IQCK: variants seen among roughly 807,000 people sequenced by gnomAD.
IQCK encodes IQ domain-containing protein K.
A neutral mutation model predicts 28.1 loss-of-function variants in IQCK; 29 were observed. That is an observed-to-expected ratio of 1.03 (90% CI 0.77 to 1.41). The LOEUF is 1.41. IQCK is among the 40% of genes most tolerant of loss of function. The pLI is 0.00. For synonymous variants in IQCK, 113 were observed against 115.1 expected (o/e 0.98, Z 0.12); for missense variants, 359 against 314.7 (o/e 1.14, Z -1.07).
At chr16:19,734,418 C>T (rs1266602828) in intron 3 of IQCK, among the ~76,000 whole-genome samples, 1 of 148,942 alleles carries the variant, frequency 6.7e-6, no homozygotes, top group East Asian at 2.0e-4. Flanking sequence ...TAAGATCGTG[C>T]CACTGCACTC....
At chr16:19,735,920 G>T (rs77489519) in intron 4 of IQCK, 2 of 337,892 alleles carry the variant, frequency 5.9e-6, no homozygotes, top group Non-Finnish European at 1.2e-5. Context: ...TTTTAAATTA[G>T]CTAGGTGTGG....
intron 7 of IQCK, among the ~76,000 whole-genome samples, chr16:19,803,654 TTTA>T (rs2055790220): frequency 1.3e-5 from 2 of 152,174 alleles, no homozygotes; most frequent in Admixed American, 1.3e-4. Flanking sequence ...ATTAAAATGT[TTTA>T]TTTTTTATTT....
chr16:19,759,732 C>CT (rs1206822896), intron 4 of IQCK, among the ~76,000 whole-genome samples: 2 of 152,124 alleles, frequency 1.3e-5, no homozygotes, highest in African/African-American at 4.8e-5. Flanking sequence ...AATCCTAGCA[C>CT]TTTGGAAGGC....
chr16:19,858,423 G>T (rs2141134904), exon 10 of IQCK: 2 of 601,920 alleles, frequency 3.3e-6, no homozygotes, highest in East Asian at 5.8e-5. Flanking sequence ...CATTTGTGCT[G>T]TGCTCACCTT....
chr16:19,762,482 C>G (rs555376322), intron 4 of IQCK, among the ~76,000 whole-genome samples: 6 of 152,292 alleles, frequency 3.9e-5, no homozygotes, highest in African/African-American at 7.2e-5. Context: ...TTATTACTAC[C>G]TAATGTCAGA....
rs755724789 is a variant in IQCK at position 19,827,073 on chromosome 16, A to G, written c.738A>G (p.Lys246=). The G allele has an allele frequency of 2.5e-6, 4 of 1,614,180 alleles. No homozygotes were observed. In the South Asian group the frequency reaches 3.3e-5, roughly 13 times the overall value. Residue 246 remains lysine (K), a synonymous_variant, in exon 8 of 8, where the codon AAA becomes AAG. Coordinates refer to ENST00000564186, the Ensembl canonical transcript of IQCK. ...AAGAACTGCGTCAGTGGCAGAAGAA[A>G]CTTCGCGAGGCCAAGCACATTCACC...
At chr16:19,742,638 G>A (rs575095388) in intron 4 of IQCK, among the ~76,000 whole-genome samples, 2 of 152,310 alleles carry the variant, frequency 1.3e-5, no homozygotes, top group East Asian at 1.9e-4. Flanking sequence ...ACACAGCAGC[G>A]TAATTCATTG....
At chr16:19,854,464 TG>T (rs2056528242) in intron 9 of IQCK, among the ~76,000 whole-genome samples, 1 of 152,110 alleles carries the variant, frequency 6.6e-6, no homozygotes, top group Non-Finnish European at 1.5e-5. Flanking sequence ...TGCAGATGGA[TG>T]GGCTCCACCC....
At chr16:19,753,553 C>T (rs2055014846) in intron 4 of IQCK, among the ~76,000 whole-genome samples, 1 of 152,078 alleles carries the variant, frequency 6.6e-6, no homozygotes, top group Non-Finnish European at 1.5e-5. Context: ...AAGATGGATT[C>T]CTGAAAGGAA....
chr16:19,848,596 C>A (rs915017303), intron 9 of IQCK, among the ~76,000 whole-genome samples: 3 of 152,180 alleles, frequency 2.0e-5, no homozygotes, highest in Non-Finnish European at 4.4e-5. Context: ...TTCTTGAGTA[C>A]CTTCTTCATG....
rs8051226 is a variant in IQCK at position 19,792,763 on chromosome 16, A to C, written c.690+3841A>C. 3.4e-3 allele frequency among the ~76,000 whole-genome samples: 380 copies of C among 111,590 alleles called. 112 individuals are homozygous for C. The highest frequency in any genetic ancestry group is 0.032 in the African/African-American group (363 of 11,248). The allele number at this position is 111,590 out of a possible 152,430, so 73.2% of individuals were successfully genotyped here. ...ATTTTTGTATTTTTAGTAGAGACGG[A>C]GGGGGGCGTTTCACCATGTTGGCCA... On this transcript the variant is annotated intron_variant, in intron 7 of 7. Coordinates refer to ENST00000564186, the Ensembl canonical transcript of IQCK.
At chr16:19,769,364 C>A (rs2055286569) in intron 6 of IQCK, among the ~76,000 whole-genome samples, 1 of 152,180 alleles carries the variant, frequency 6.6e-6, no homozygotes, top group Non-Finnish European at 1.5e-5. Flanking sequence ...CCTCCAGTTC[C>A]TTATTGGTAA....
chr16:19,849,261 G>GTTTTTTT (rs71146276), intron 9 of IQCK, among the ~76,000 whole-genome samples: 1 of 142,156 alleles, frequency 7.0e-6, no homozygotes, highest in Non-Finnish European at 1.5e-5. Flanking sequence ...CTATGTTCAG[G>GTTTTTTT]TTTTTTTTTT....
At chr16:19,769,768 C>T (rs1277008693) in intron 6 of IQCK, among the ~76,000 whole-genome samples, 1 of 152,096 alleles carries the variant, frequency 6.6e-6, no homozygotes, top group Non-Finnish European at 1.5e-5. Flanking sequence ...GTGCAAAGGA[C>T]ATCTGAGATT....
chr16:19,777,871 T>C (rs1292862907), intron 6 of IQCK, among the ~76,000 whole-genome samples: 1 of 152,126 alleles, frequency 6.6e-6, no homozygotes, highest in Non-Finnish European at 1.5e-5. Context: ...GCCAACGTGG[T>C]GAAACCCCAT....
In IQCK at chr16:19,719,452, G is replaced by T. The variant is rs546211918; in HGVS notation, c.181+965G>T. On this transcript the variant is annotated intron_variant, in intron 1 of 7. Coordinates refer to ENST00000564186, the Ensembl canonical transcript of IQCK. Reference sequence around the variant, plus strand: ...AATACAAAAAAAAAATTATCTGGGCGTGGTGGTGTGCGCCTATAATCTCAG... The same window carrying T: ...AATACAAAAAAAAAATTATCTGGGCTTGGTGGTGTGCGCCTATAATCTCAG... Among the ~76,000 whole-genome samples the T allele has an allele frequency of 2.6e-5, 4 of 151,766 alleles. No individual in the cohort carries two copies. The East Asian group carries it at 7.9e-4, about 30-fold the overall frequency.
At chr16:19,753,090 C>G (rs891865993) in intron 4 of IQCK, among the ~76,000 whole-genome samples, 6 of 151,954 alleles carry the variant, frequency 3.9e-5, no homozygotes, top group African/African-American at 1.2e-4. Flanking sequence ...CCCAGAGTTT[C>G]TCTCTAATTG....
At chr16:19,851,212 C>A (rs2056476978) in intron 9 of IQCK, among the ~76,000 whole-genome samples, 1 of 152,156 alleles carries the variant, frequency 6.6e-6, no homozygotes, top group Admixed American at 6.5e-5. Flanking sequence ...CACTGTTTCC[C>A]AAACTTGCCC....
At chr16:19,802,943 G>T (rs16969183) in intron 7 of IQCK, among the ~76,000 whole-genome samples, 1 of 152,188 alleles carries the variant, frequency 6.6e-6, no homozygotes, top group African/African-American at 2.4e-5. Context: ...CGACTTTTAC[G>T]TAAGACTCGT....
Sources: allele counts gnomAD v4.1 joint callset (sites outside exome capture counted in the v4.1 genomes callset), GRCh38; gene constraint gnomAD v4.1.1; transcripts MANE v1.5; gene names NCBI Gene and HGNC (gene_info 2026-07-23, HGNC 2026-07-21).